ANK3: variants seen among roughly 807,000 people sequenced by gnomAD.
ANK3 encodes the protein ankyrin 3.
ANK3 carries 57 observed loss-of-function variants against 370.9 expected under a neutral mutation model. The observed-to-expected ratio is 0.15, with a 90% CI of 0.12 to 0.19. ANK3 has a LOEUF of 0.19. Ranked by LOEUF, ANK3 falls within the 10% of genes least tolerant of loss-of-function variation. ANK3 has a pLI of 1.00. For missense variants in ANK3, 4,439 were observed against 5,302.1 expected, an observed-to-expected ratio of 0.84 and a Z score of 5.06; for synonymous variants, 1,929 against 1,946.3, an observed-to-expected ratio of 0.99 and a Z score of 0.23.
At chr10:60,116,440 A>C (rs1420809506) in intron 25 of ANK3, among the ~76,000 whole-genome samples, 1 of 152,208 alleles carries the variant, frequency 6.6e-6, no homozygotes, top group Admixed American at 6.5e-5. Flanking sequence ...TGCTGAAAAA[A>C]GCATCCAGTA....
chr10:60,169,378 T>TG (rs2095716088), intron 21 of ANK3, among the ~76,000 whole-genome samples: 1 of 150,672 alleles, frequency 6.6e-6, no homozygotes, highest in East Asian at 1.9e-4. Context: ...TTTTTTTTTT[T>TG]TTTTTTTTTT....
At chr10:60,080,160 CT>C (rs2084837567) in intron 36 of ANK3, among the ~76,000 whole-genome samples, 1 of 152,100 alleles carries the variant, frequency 6.6e-6, no homozygotes, top group Non-Finnish European at 1.5e-5. Flanking sequence ...GACAAAGTAA[CT>C]TTATCATTTT....
intron 1 of ANK3, among the ~76,000 whole-genome samples, chr10:60,324,757 C>T (rs1189246797): frequency 3.3e-5 from 5 of 152,062 alleles, no homozygotes; most frequent in South Asian, 2.1e-4. Context: ...TGCCACTCAG[C>T]GATTCACCAA....
chr10:60,618,417 G>A lies in ANK3; in HGVS notation c.58-3193C>T, dbSNP rs183749046. Among the ~76,000 whole-genome samples, 55 of 152,152 alleles carry A rather than the reference G, an allele frequency of 3.6e-4. 1 individual carries two copies. The Middle Eastern group carries it at 0.024, about 66-fold the overall frequency. ...TTTAATATTCATCAATATTTCTATGGGAAAGCAAATTAGTAGGAGACACCA... is the reference window on the plus strand; with the variant it reads ...TTTAATATTCATCAATATTTCTATGAGAAAGCAAATTAGTAGGAGACACCA... On this transcript the variant is annotated intron_variant, in intron 1 of 43. Coordinates refer to the ANK3 transcript ENST00000373827.
chr10:60,172,718 A>G (rs377527778), intron 20 of ANK3, among the ~76,000 whole-genome samples, 182 bp downstream of exon 20: 1 of 152,160 alleles, frequency 6.6e-6, no homozygotes, highest in African/African-American at 2.4e-5. Flanking sequence ...CATATAAAAC[A>G]CTAATCATCT....
intron 2 of ANK3, among the ~76,000 whole-genome samples, chr10:60,597,214 C>T (rs1427434424): frequency 6.6e-6 from 1 of 152,046 alleles, no homozygotes; most frequent in Admixed American, 6.6e-5. Flanking sequence ...AATATTTAGC[C>T]AGAGGAATCC....
intron 2 of ANK3, among the ~76,000 whole-genome samples, chr10:60,427,412 C>T (rs1318239869): frequency 6.6e-6 from 1 of 151,940 alleles, no homozygotes; most frequent in Non-Finnish European, 1.5e-5. Flanking sequence ...GTAAAGTAAG[C>T]TTTCCTGACA....
chr10:60,061,088 A>G (rs776329894), intron 40 of ANK3, among the ~76,000 whole-genome samples: 33 of 152,244 alleles, frequency 2.2e-4, no homozygotes, highest in Non-Finnish European at 4.1e-4. Flanking sequence ...TTGTTGGTCT[A>G]CAAAATAAAA....
At position 60,698,470 on chromosome 10, in the gene ANK3, C is replaced by T. The variant is rs530175179; in HGVS notation, c.57+34793G>A. Among the ~76,000 whole-genome samples the T allele has an allele frequency of 2.7e-4, 40 of 150,912 alleles. 1 individual carries two copies. The highest frequency in any genetic ancestry group is 8.1e-4 in the African/African-American group (33 of 40,786). On this transcript the variant is annotated intron_variant, in intron 1 of 43. Coordinates refer to the ANK3 transcript ENST00000373827. ...ATGCACACGTATGTTTATTGCGGCA[C>T]TATTCACAATAGCAAAGACTTGGAA...
intron 1 of ANK3, among the ~76,000 whole-genome samples, chr10:60,719,717 T>A (rs542644894): frequency 1.3e-5 from 2 of 152,322 alleles, no homozygotes; most frequent in South Asian, 4.1e-4. Context: ...GTTCTTTGCA[T>A]AATAGAGATA....
rs1214150146 is a variant in ANK3 at position 60,072,202 on chromosome 10, T to C, written c.8679A>G (p.Gln2893=). ...IGHPESKSVD[Q]KNEFMSVTER... The stretch of plus-strand genomic sequence containing the variant: ...CAGTCACAGACATAAATTCATTCTT[T>C]TGATCAACACTTTTACTCTCAGGGT... Residue 2893 remains glutamine (Q), a synonymous_variant, in exon 37 of 44, where the codon CAA becomes CAG. Transcript: ENST00000280772. The C allele has an allele frequency of 6.2e-7, 1 of 1,613,910 alleles. No homozygotes were observed. The highest frequency in any genetic ancestry group is 1.7e-5 in the Admixed American group (1 of 59,968).
intron 25 of ANK3, among the ~76,000 whole-genome samples, chr10:60,125,876 A>G (rs1274672855): frequency 6.6e-6 from 1 of 152,258 alleles, no homozygotes; most frequent in East Asian, 1.9e-4. Flanking sequence ...ACTTGCTAAC[A>G]TATCAAATTG....
At chr10:60,568,306 A>G (rs1267133320) in intron 2 of ANK3, among the ~76,000 whole-genome samples, 3 of 152,200 alleles carry the variant, frequency 2.0e-5, no homozygotes, top group African/African-American at 7.2e-5. Flanking sequence ...CCATCCATCA[A>G]TAGCCACTGA....
chr10:60,056,145 A>T, intron 41 of ANK3, 109 bp from the exon 42 acceptor site: 2 of 1,326,346 alleles, frequency 1.5e-6, no homozygotes, highest in African/African-American at 1.5e-5. Context: ...TGAAGGCATA[A>T]AATAGAAAAG....
intron 16 of ANK3, among the ~76,000 whole-genome samples, chr10:60,187,701 T>C (rs2096379854): frequency 6.6e-6 from 1 of 152,226 alleles, no homozygotes; most frequent in African/African-American, 2.4e-5. Flanking sequence ...AAATTTTTAA[T>C]GTTCATGGAA....
chr10:60,233,782 A>C lies in ANK3; in HGVS notation c.897+906T>G, dbSNP rs190714172. Reference sequence around the variant, plus strand: ...GTAAAATACATACAACATAAAATTTACCCTCACAATCCATAAGCAGACACT... The same window carrying C: ...GTAAAATACATACAACATAAAATTTCCCCTCACAATCCATAAGCAGACACT... On this transcript the variant is annotated intron_variant, in intron 8 of 43. Transcript: ENST00000280772. 5.0e-4 allele frequency among the ~76,000 whole-genome samples: 76 copies of C among 152,304 alleles called. 1 individual carries two copies. The highest frequency in any genetic ancestry group is 1.6e-3 in the African/African-American group (68 of 41,564).
In ANK3 at chr10:60,076,268, T is replaced by A; in HGVS notation, c.4613A>T (p.Lys1538Ile). Reference sequence around the variant, plus strand: ...AGGTGTCGAAACAGACCATATTGATTTTAACGGAGAAGCTGATGGCGTATT... The same window carrying A: ...AGGTGTCGAAACAGACCATATTGATATTAACGGAGAAGCTGATGGCGTATT... ...SSNTPSASPL[K>I]SIWSVSTPSP... The change falls in exon 37 of 44, where the codon AAA becomes ATA. Residue 1538 changes from lysine (K) to isoleucine (I), a missense_variant. This residue lies in a region of ANK3 where 679 missense variants were observed against 791.0 expected (regional missense o/e 0.86). Coordinates refer to ENST00000280772, the MANE Select transcript of ANK3 (RefSeq NM_020987.5). 1 of 1,614,136 alleles carries A rather than the reference T, an allele frequency of 6.2e-7. No homozygotes were observed. The highest frequency in any genetic ancestry group is 2.2e-5 in the East Asian group (1 of 44,882).
At chr10:60,706,355 GC>G (rs1248530770) in intron 1 of ANK3, among the ~76,000 whole-genome samples, 1 of 152,062 alleles carries the variant, frequency 6.6e-6, no homozygotes, top group Non-Finnish European at 1.5e-5. Flanking sequence ...AGACATGCCA[GC>G]CCCAAGGTAA....
At chr10:60,111,129 T>C (rs551807436) in intron 26 of ANK3, among the ~76,000 whole-genome samples, 9 of 152,304 alleles carry the variant, frequency 5.9e-5, no homozygotes, top group East Asian at 1.9e-4. Context: ...GGTGGATAGA[T>C]AGGTAGATAG....
Sources: allele counts gnomAD v4.1 joint callset (sites outside exome capture counted in the v4.1 genomes callset), GRCh38; gene constraint gnomAD v4.1.1; regional missense constraint gnomAD v4.1.1; transcripts MANE v1.5; gene names NCBI Gene and HGNC (gene_info 2026-07-23, HGNC 2026-07-21).